SPA17: variants seen among roughly 807,000 people sequenced by gnomAD.
The protein encoded by SPA17 is sperm surface protein Sp17.
A neutral mutation model predicts 13.8 loss-of-function variants in SPA17; 7 were observed. The ratio of observed to expected loss-of-function variants is 0.51; its 90% CI spans 0.29 to 0.95. The LOEUF (loss-of-function observed/expected upper bound fraction) is 0.95. SPA17 is among the 40% of genes least tolerant of loss of function. The pLI is 0.08. For synonymous variants in SPA17, 61 were observed against 59.0 expected, an observed-to-expected ratio of 1.03 and a Z score of -0.16; for missense variants, 170 against 179.3, an observed-to-expected ratio of 0.95 and a Z score of 0.30.
chr11:124,689,612 C>A (rs1389538223), intron 3 of SPA17, among the ~76,000 whole-genome samples: 1 of 151,848 alleles, frequency 6.6e-6, no homozygotes, highest in Non-Finnish European at 1.5e-5. Flanking sequence ...ATGGTGAAAC[C>A]CATCTCTTCA....
chr11:124,676,993 A>G (rs1179056649), intron 2 of SPA17, among the ~76,000 whole-genome samples: 1 of 152,234 alleles, frequency 6.6e-6, no homozygotes, highest in Admixed American at 6.5e-5. Context: ...TCTTGCAGTA[A>G]AAGTCTTTAG....
chr11:124,681,754 T>G (rs147564698), intron 3 of SPA17, among the ~76,000 whole-genome samples: 22 of 152,232 alleles, frequency 1.4e-4, no homozygotes, highest in African/African-American at 5.1e-4. Context: ...ATATTTCACT[T>G]AAGTTTAATG....
chr11:124,680,536 C>T (rs556933392), intron 2 of SPA17, among the ~76,000 whole-genome samples: 3 of 152,242 alleles, frequency 2.0e-5, no homozygotes, highest in South Asian at 4.1e-4. Context: ...TGTGTGTGCC[C>T]GTTTTCGGGG....
chr11:124,682,333 A>G (rs1318598978), intron 3 of SPA17, among the ~76,000 whole-genome samples: 1 of 152,168 alleles, frequency 6.6e-6, no homozygotes, highest in Admixed American at 6.5e-5. Flanking sequence ...ATGAAAAACA[A>G]GGAAGTATGA....
intron 3 of SPA17, among the ~76,000 whole-genome samples, chr11:124,685,994 G>A (rs1207836575): frequency 6.6e-6 from 1 of 152,190 alleles, no homozygotes; most frequent in African/African-American, 2.4e-5. Flanking sequence ...GTTAATGCTG[G>A]AATGAGTTAA....
intron 3 of SPA17, among the ~76,000 whole-genome samples, chr11:124,683,007 G>A (rs1198763324): frequency 1.3e-5 from 2 of 152,080 alleles, no homozygotes; most frequent in Non-Finnish European, 2.9e-5. Flanking sequence ...TCAACTGTGA[G>A]GGAAACCCGA....
intron 4 of SPA17, among the ~76,000 whole-genome samples, chr11:124,692,604 C>T (rs952874595): frequency 6.6e-6 from 1 of 151,896 alleles, no homozygotes; most frequent in African/African-American, 2.4e-5. Flanking sequence ...AAAGACATAG[C>T]GAAGTCCACC....
chr11:124,687,450 A>G (rs1565425701), intron 3 of SPA17, among the ~76,000 whole-genome samples: 1 of 152,326 alleles, frequency 6.6e-6, no homozygotes, highest in East Asian at 1.9e-4. Context: ...AACTCATTCT[A>G]TGAGGCCAAT....
rs777747204 is a variant in SPA17, at chr11:124,675,421, A to G, written c.154+3A>G. On this transcript the variant is annotated splice_donor_region_variant and intron_variant, in intron 2 of 4. Transcript: ENST00000227135. ...GAGCCTTCTAGAGAAAAGAGAGAGT[A>G]AGCTTTCTAAAATTAGTCATTTTTT... 2.5e-6 allele frequency: 4 copies of G among 1,600,792 alleles called. No individual in the cohort carries two copies. Among genetic ancestry groups the G allele is most frequent in the Non-Finnish European group, 3.4e-6 (4 of 1,176,644 alleles).
intron 3 of SPA17, among the ~76,000 whole-genome samples, chr11:124,686,195 G>GGT (rs1388635026): frequency 6.4e-5 from 8 of 125,698 alleles, no homozygotes; most frequent in African/African-American, 2.4e-4. Context: ...ATGGGTGGGG[G>GGT]GGGGGTGGTT....
At chr11:124,693,993 T>C (rs1943648787) in intron 4 of SPA17, among the ~76,000 whole-genome samples, 1 of 152,218 alleles carries the variant, frequency 6.6e-6, no homozygotes, top group Admixed American at 6.5e-5. Flanking sequence ...GATTCTTTCT[T>C]GTCCCCCCAA....
rs1176200455 is a variant in SPA17 at position 124,681,456 on chromosome 11, C to T, written c.222C>T (p.Phe74=). The T allele has an allele frequency of 3.8e-6, 6 of 1,579,842 alleles. No homozygotes were observed. Among genetic ancestry groups the T allele is most frequent in the Non-Finnish European group, 4.3e-6 (5 of 1,160,162 alleles). The part of the protein sequence containing the change: ...VEDRFYNNHA[F]EEQEPPEKSD... ...ACCGCTTCTATAACAATCATGCATT[C>T]GAGGTATGGTCCTTTGAAGCTGTTG... Residue 74 remains phenylalanine (F), a synonymous_variant, in exon 3 of 5, where the codon TTC becomes TTT. Transcript: ENST00000227135.
intron 3 of SPA17, among the ~76,000 whole-genome samples, chr11:124,682,585 T>A (rs1309736329): frequency 6.6e-6 from 1 of 152,102 alleles, no homozygotes; most frequent in Non-Finnish European, 1.5e-5. Flanking sequence ...ATTGAAGAAT[T>A]TATTGAAGGA....
chr11:124,677,924 A>T (rs751945530), intron 2 of SPA17, among the ~76,000 whole-genome samples: 1 of 152,248 alleles, frequency 6.6e-6, no homozygotes, highest in Non-Finnish European at 1.5e-5. Flanking sequence ...AATCAAAACT[A>T]CACTGAGCTA....
chr11:124,679,135 CAAA>C (rs1239970697), intron 2 of SPA17, among the ~76,000 whole-genome samples: 5 of 66,768 alleles, frequency 7.5e-5, no homozygotes, highest in Non-Finnish European at 9.2e-5. Flanking sequence ...GACTCTGTCT[CAAA>C]AAAAAAAAAA....
chr11:124,691,054 A>G (rs1943619320), intron 3 of SPA17, among the ~76,000 whole-genome samples: 2 of 152,118 alleles, frequency 1.3e-5, no homozygotes, highest in South Asian at 4.1e-4. Flanking sequence ...TCTTTTTTTA[A>G]TTCTAAAGGC....
chr11:124,692,297 G>A (rs1023400723), intron 4 of SPA17, among the ~76,000 whole-genome samples: 7 of 152,094 alleles, frequency 4.6e-5, no homozygotes, highest in African/African-American at 1.7e-4. Context: ...AGACATAGCG[G>A]AGGCCGGGCG....
chr11:124,695,398 A>T lies in SPA17; in HGVS notation c.*952A>T, dbSNP rs529439625. 6.6e-6 allele frequency: 1 copy of T among 152,068 alleles called. No homozygotes were observed. The highest frequency in any genetic ancestry group is 1.5e-5 in the Non-Finnish European group (1 of 68,032). 9.4% of individuals were successfully genotyped at this position (152,068 alleles called of 1,614,324 possible). ...AACTTCCCAAGTTTTTAAATATACAATGGTAATGCCTGTTTAACAAACTCA... is the reference window on the plus strand; with the variant it reads ...AACTTCCCAAGTTTTTAAATATACATTGGTAATGCCTGTTTAACAAACTCA... On this transcript the variant is annotated 3_prime_UTR_variant, in exon 5 of 5. Coordinates refer to ENST00000227135, the MANE Select transcript of SPA17 (RefSeq NM_017425.4).
At chr11:124,682,236 T>A (rs1210148778) in intron 3 of SPA17, among the ~76,000 whole-genome samples, 1 of 152,110 alleles carries the variant, frequency 6.6e-6, no homozygotes, top group Non-Finnish European at 1.5e-5. Flanking sequence ...GTTCAGATAA[T>A]GAATGCTGGT....
Sources: allele counts gnomAD v4.1 joint callset (sites outside exome capture counted in the v4.1 genomes callset), GRCh38; gene constraint gnomAD v4.1.1; transcripts MANE v1.5; gene names NCBI Gene and HGNC (gene_info 2026-07-23, HGNC 2026-07-21).